The following RBFOX1 variants were observed in gnomAD, a reference collection of about 807,000 sequenced individuals.
RBFOX1 encodes RNA binding fox-1 homolog 1.
In RBFOX1, 8 loss-of-function variants were observed where a neutral mutation model predicts 57.7. That is an observed-to-expected ratio of 0.14 (90% CI 0.08 to 0.25). RBFOX1 has a LOEUF of 0.25. RBFOX1 is among the 10% of genes least tolerant of loss of function. The pLI, the probability that RBFOX1 is intolerant of heterozygous loss-of-function variation, is 1.00. For synonymous variants in RBFOX1, 326 were observed against 222.4 expected, an observed-to-expected ratio of 1.47 and a Z score of -4.15; for missense variants, 611 against 548.5, an observed-to-expected ratio of 1.11 and a Z score of -1.14.
chr16:6,669,513 G>C (rs916486701), intron 3 of RBFOX1, among the ~76,000 whole-genome samples: 1 of 152,062 alleles, frequency 6.6e-6, no homozygotes, highest in Admixed American at 6.6e-5. Context: ...TGATTGACAA[G>C]TAAAAATTAT....
chr16:7,230,120 A>G (rs1022929083), intron 4 of RBFOX1, among the ~76,000 whole-genome samples: 1 of 150,536 alleles, frequency 6.6e-6, no homozygotes, highest in Non-Finnish European at 1.5e-5. Flanking sequence ...GGAGAGATGG[A>G]AAGGAGGGAA....
intron 3 of RBFOX1, among the ~76,000 whole-genome samples, chr16:6,807,243 C>A (rs542481670): frequency 1.3e-5 from 2 of 152,094 alleles, no homozygotes; most frequent in African/African-American, 4.8e-5. Flanking sequence ...ACAGCTGATG[C>A]CCTCTTAAAC....
intron 4 of RBFOX1, among the ~76,000 whole-genome samples, chr16:7,231,382 T>C (rs766590468): frequency 3.0e-4 from 45 of 152,170 alleles, no homozygotes; most frequent in Non-Finnish European, 4.4e-5. Context: ...GCAGGGTTCA[T>C]GATGAGGGAG....
chr16:5,772,048 T>G (rs550805156), intron 3 of RBFOX1, among the ~76,000 whole-genome samples: 68 of 152,238 alleles, frequency 4.5e-4, no homozygotes, highest in Admixed American at 2.2e-3. Flanking sequence ...AGCACATGCC[T>G]GTAATCCCAG....
intron 3 of RBFOX1, among the ~76,000 whole-genome samples, chr16:6,716,819 A>C (rs1463543091): frequency 6.6e-6 from 1 of 152,040 alleles, no homozygotes. Flanking sequence ...GGGACAGCTG[A>C]TGGCCGTGTT....
chr16:5,611,769 C>CCCAT (rs573710208), intron 3 of RBFOX1, among the ~76,000 whole-genome samples: 9 of 116,346 alleles, frequency 7.7e-5, no homozygotes, highest in Admixed American at 1.9e-4. Context: ...TTTTCAGTCT[C>CCCAT]CCATCCATCC....
intron 3 of RBFOX1, among the ~76,000 whole-genome samples, chr16:6,858,812 C>T (rs766761245): frequency 1.3e-5 from 2 of 151,980 alleles, no homozygotes; most frequent in East Asian, 1.9e-4. Context: ...TGGCATTCGC[C>T]TCTGCTGGTT....
intron 1 of RBFOX1, among the ~76,000 whole-genome samples, chr16:5,418,971 T>C (rs966771030): frequency 6.6e-6 from 1 of 152,122 alleles, no homozygotes; most frequent in African/African-American, 2.4e-5. Flanking sequence ...AGTTGAGGCC[T>C]GAACTGGATT....
chr16:7,597,177 T>G (rs1434589799), intron 8 of RBFOX1, 194 bp from the exon 9 acceptor site: 1 of 472,890 alleles, frequency 2.1e-6, no homozygotes, highest in African/African-American at 2.0e-5. Flanking sequence ...ATTTGTAAGT[T>G]AAACGGTTAT....
At chr16:6,376,396 C>G (rs1013747181) in intron 2 of RBFOX1, among the ~76,000 whole-genome samples, 2 of 152,178 alleles carry the variant, frequency 1.3e-5, no homozygotes, top group Non-Finnish European at 2.9e-5. Flanking sequence ...TGTTCTGGAG[C>G]CCAGGAGGCT....
intron 4 of RBFOX1, among the ~76,000 whole-genome samples, chr16:7,343,404 G>C (rs549975833): frequency 6.6e-6 from 1 of 152,314 alleles, no homozygotes; most frequent in South Asian, 2.1e-4. Flanking sequence ...GGACCAGAGA[G>C]ATGAGAATCT....
At chr16:7,407,437 G>A (rs919921285) in intron 4 of RBFOX1, among the ~76,000 whole-genome samples, 1 of 151,690 alleles carries the variant, frequency 6.6e-6, no homozygotes, top group Admixed American at 6.6e-5. Flanking sequence ...ATGGCACACA[G>A]CAAAAAGAAG....
intron 2 of RBFOX1, among the ~76,000 whole-genome samples, chr16:6,434,436 G>A (rs1261867170): frequency 6.6e-6 from 1 of 152,006 alleles, no homozygotes; most frequent in African/African-American, 2.4e-5. Flanking sequence ...CCATCCCACA[G>A]TTTTTCCCCC....
intron 3 of RBFOX1, among the ~76,000 whole-genome samples, chr16:6,835,988 A>T (rs1348545717): frequency 6.6e-6 from 1 of 152,132 alleles, no homozygotes; most frequent in African/African-American, 2.4e-5. Flanking sequence ...ATCTGGTCAC[A>T]TCTAACTGCA....
At chr16:7,464,060 A>G (rs944974090) in intron 4 of RBFOX1, among the ~76,000 whole-genome samples, 1 of 152,062 alleles carries the variant, frequency 6.6e-6, no homozygotes, top group Admixed American at 6.5e-5. Context: ...TGCATAACCC[A>G]TGTCTTCCTT....
rs560109534 is a variant in RBFOX1, at chr16:5,258,985, C to T, written c.219+18880C>T. Among the ~76,000 whole-genome samples, 6 of 152,048 alleles carry T rather than the reference C, an allele frequency of 3.9e-5. No individual in the cohort carries two copies. The South Asian group carries it at 1.2e-3, about 32-fold the overall frequency. On this transcript the variant is annotated intron_variant, in intron 1 of 2. Transcript: ENST00000585867. ...CTCCATTTCCCATCTGGCCCCTGCT[C>T]CTTAATGTTAGCCCCCTCCTGTGGG...
At chr16:6,706,657 C>A (rs748364423) in intron 3 of RBFOX1, among the ~76,000 whole-genome samples, 3 of 151,234 alleles carry the variant, frequency 2.0e-5, no homozygotes, top group Admixed American at 6.6e-5. Flanking sequence ...AACACTGTTA[C>A]ACTTTTGAGA....
At chr16:5,263,072 CGGTGGTGGT>C (rs758756491) in intron 1 of RBFOX1, among the ~76,000 whole-genome samples, 13 of 143,148 alleles carry the variant, frequency 9.1e-5, no homozygotes, top group South Asian at 2.5e-4. Flanking sequence ...GGCAGGGTGA[CGGTGGTGGT>C]GGTGGTGGTG....
chr16:6,297,884 C>T lies in RBFOX1; in HGVS notation c.-126-19111C>T, dbSNP rs9921289. 6.2e-3 allele frequency among the ~76,000 whole-genome samples: 937 copies of T among 152,252 alleles called. 15 individuals are homozygous for T. Among genetic ancestry groups the T allele is most frequent in the African/African-American group, 0.022 (908 of 41,554 alleles). On this transcript the variant is annotated intron_variant, in intron 1 of 15. Transcript: ENST00000550418. The stretch of plus-strand genomic sequence containing the variant: ...GGAAGATCATCTTCCCACTCCATCC[C>T]CTTTCCAGCTCCCCATCTATCCAGA...
Sources: gnomAD v4.1 joint callset for allele counts (sites outside exome capture counted in the v4.1 genomes callset) on GRCh38, gnomAD v4.1.1 for gene constraint, MANE v1.5 for transcripts, NCBI Gene and HGNC (gene_info 2026-07-23, HGNC 2026-07-21) for gene names.